OPLAH: variants seen among roughly 807,000 people sequenced by gnomAD.
The protein encoded by OPLAH is 5-oxoprolinase.
A neutral mutation model predicts 122.8 loss-of-function variants in OPLAH; 103 were observed. The observed-to-expected ratio is 0.84, with a 90% CI of 0.71 to 0.99. The LOEUF is 0.99. OPLAH is among the 50% of genes least tolerant of loss of function. The pLI is 0.00. For missense variants in OPLAH, 1,902 were observed against 1,836.5 expected, an observed-to-expected ratio of 1.04 and a Z score of -0.65; for synonymous variants, 875 against 796.0, an observed-to-expected ratio of 1.10 and a Z score of -1.67.
At position 144,057,659 on chromosome 8, in the gene OPLAH, G is replaced by C; in HGVS notation, c.1211C>G (p.Ala404Gly). ...CGGCCCAAAAATGCAGGGGAAGGAGGCAGGCAGCAGGCGACCCAGGACCAG... is the reference window on the plus strand; with the variant it reads ...CGGCCCAAAAATGCAGGGGAAGGAGCCAGGCAGCAGGCGACCCAGGACCAG... ...ANLVLGRLLP[A>G]SFPCIFGPGE... The change falls in exon 10 of 27, where the codon GCC becomes GGC. Residue 404 changes from alanine to glycine, a missense_variant. Ala to Gly is a moderately conservative substitution (Grantham distance 60). Around this residue, in one of 3 missense-constraint regions of OPLAH, gnomAD observed 1,726 missense variants for 1,642.1 expected, o/e 1.05. Transcript: ENST00000618853. 6.2e-7 allele frequency: 1 copy of C among 1,606,630 alleles called. No homozygotes were observed. The highest frequency in any genetic ancestry group is 8.5e-7 in the Non-Finnish European group (1 of 1,176,498).
In OPLAH at chr8:144,058,206, C is replaced by A. The variant is rs908991633; in HGVS notation, c.949+33G>T. On this transcript the variant is annotated intron_variant, in intron 7 of 26. Coordinates refer to ENST00000618853, the MANE Select transcript of OPLAH (RefSeq NM_017570.5). ...AAGACCCAGGGGCCCAGCAGCTGAG[C>A]CTCCCCGAGACCCCAGCCCTCGGCC... The A allele has an allele frequency of 5.0e-6, 8 of 1,604,322 alleles. No homozygotes were observed. In the Admixed American group the frequency reaches 1.3e-4, roughly 27 times the overall value.
Position 144,057,428 on chromosome 8 carries a change from G to T in OPLAH, c.1422+20C>A. 1.9e-6 allele frequency: 3 copies of T among 1,583,882 alleles called. No individual in the cohort carries two copies. The highest frequency in any genetic ancestry group is 2.6e-6 in the Non-Finnish European group (3 of 1,165,050). On this transcript the variant is annotated intron_variant, in intron 10 of 26. Transcript: ENST00000618853. ...GCAGGGCTGGGGGCAGGACAGGCGG[G>T]AGAGCAGAGGTGGACGTACCTGCGT...
At position 144,055,042 on chromosome 8, in the gene OPLAH, G is replaced by A. The variant is rs571638310; in HGVS notation, c.2396C>T (p.Thr799Met). The A allele has an allele frequency of 1.0e-4, 153 of 1,513,258 alleles. No individual in the cohort carries two copies. Among genetic ancestry groups the A allele is most frequent in the South Asian group, 6.0e-4 (46 of 76,918 alleles). 93.7% of individuals were successfully genotyped at this position (1,513,258 alleles called of 1,614,324 possible). Reference protein sequence around the residue: ...IPVHLGAMQETVQFQIQHLGA... With the variant: ...IPVHLGAMQEMVQFQIQHLGA... ...GGGAAGGGCCACCTGGAACTGCACC[G>A]TCTCCTGCATGGCACCCAGGTGCAC... The change falls in exon 17 of 27, where the codon ACG (threonine) becomes ATG (methionine). Residue 799 changes from threonine (T) to methionine (M), a missense_variant. Thr to Met is a moderately conservative substitution (Grantham distance 81). Around this residue, in one of 3 missense-constraint regions of OPLAH, gnomAD observed 1,726 missense variants for 1,642.1 expected, o/e 1.05. Transcript: ENST00000618853. This position sits in a 1 kb window ranked among gnomAD's most constrained non-coding sequence, Gnocchi z 6.5.
In OPLAH at chr8:144,057,513, C is replaced by T. The variant is rs782741175; in HGVS notation, c.1357G>A (p.Val453Met). 2 of 1,600,076 alleles carry T rather than the reference C, an allele frequency of 1.2e-6. No individual in the cohort carries two copies. Among genetic ancestry groups the T allele is most frequent in the Non-Finnish European group, 1.7e-6 (2 of 1,173,914 alleles). Residue 453 changes from valine (V) to methionine (M), a missense_variant, in exon 10 of 27, where the codon GTG becomes ATG. By Grantham distance (21) the Val-to-Met change is conservative. Transcript: ENST00000618853. The part of the protein sequence containing the change: ...CPASPLSLEE[V>M]AMGFVRVANE... ...GCCACGCGCACGAACCCCATGGCCA[C>T]CTCCTCCAGGCTCAGCGGGGAGGCC...
At position 144,058,653 on chromosome 8, in the gene OPLAH, C is replaced by A. The variant is rs782200056; in HGVS notation, c.626G>T (p.Arg209Leu). Residue 209 changes from arginine to leucine, a missense_variant, in exon 6 of 27, where the codon CGG becomes CTG. Coordinates refer to ENST00000618853, the MANE Select transcript of OPLAH (RefSeq NM_017570.5). ...TGACACGTGCGTGAAGCCCAGCTCCCGGGCCAGCACACCCACCTGCTGCTC... is the reference window on the plus strand; with the variant it reads ...TGACACGTGCGTGAAGCCCAGCTCCAGGGCCAGCACACCCACCTGCTGCTC... ...QHEQQVGVLA[R>L]ELGFTHVSLS... is the part of the protein sequence containing the mutation. 3 of 1,598,304 alleles carry A rather than the reference C, an allele frequency of 1.9e-6. No homozygotes were observed. The highest frequency in any genetic ancestry group is 1.1e-5 in the South Asian group (1 of 90,310).
In OPLAH at chr8:144,054,582, C is replaced by T. The variant is rs149290437; in HGVS notation, c.2665G>A (p.Gly889Arg). ...AVFLSFKLVQ[G>R]GVFQEEAVTE... Reference sequence around the variant, plus strand: ...TCACCCTCCTCCTGGAAGACGCCCCCCTGGACAAGTTTGAAGGACAGAAAG... The same window carrying T: ...TCACCCTCCTCCTGGAAGACGCCCCTCTGGACAAGTTTGAAGGACAGAAAG... Residue 889 changes from glycine to arginine, a missense_variant, in exon 19 of 27, where the codon GGG (glycine) becomes AGG (arginine). By Grantham distance (125) the Gly-to-Arg change is moderately radical. Transcript: ENST00000618853. 3.2e-4 allele frequency: 514 copies of T among 1,596,732 alleles called. 6 individuals carry two copies. The African/African-American group carries it at 6.0e-3, about 19-fold the overall frequency.
chr8:144,053,043 C>G lies in OPLAH; in HGVS notation c.2958G>C (p.Ser986=). 1.9e-6 allele frequency: 3 copies of G among 1,602,890 alleles called. No homozygotes were observed. The highest frequency in any genetic ancestry group is 2.6e-6 in the Non-Finnish European group (3 of 1,175,910). Residue 986 remains serine, a synonymous_variant, in exon 21 of 27, where the codon TCG becomes TCC. Transcript: ENST00000618853. ...GGGAACCGTCGTCCATGTGGTCTTC[C>G]GAGGACACCTCCAGGGGCAGGCCCC... ...QARGLPLEVS[S]EDHMDDGSPI... is the part of the protein sequence containing the mutation.
intron 17 of OPLAH, 49 bp from the exon 18 acceptor site, chr8:144,054,962 G>T: frequency 8.7e-7 from 1 of 1,144,754 alleles, no homozygotes; most frequent in Non-Finnish European, 1.2e-6. Flanking sequence ...GCAGGGGCCA[G>T]AGCGGGGTGG....
rs2129732095 is a variant in OPLAH, at chr8:144,051,358, A to G, written c.3835T>C (p.Tyr1279His). The G allele has an allele frequency of 3.1e-6, 5 of 1,610,696 alleles. No homozygotes were observed. In the East Asian group the frequency reaches 9.0e-5, roughly 29 times the overall value. The stretch of plus-strand genomic sequence containing the variant: ...GCCTCCTGGGCCCGGCGATACTCAT[A>G]GACGCTGCCGTGCTCGGGAAAGGCC... ...ALAFPEHGSV[Y>H]EYRRAQEAV Residue 1279 changes from tyrosine to histidine, a missense_variant, in exon 27 of 27, where the codon TAT becomes CAT. By Grantham distance (83) the Tyr-to-His change is moderately conservative (BLOSUM62 2). Transcript: ENST00000618853.
chr8:144,059,902 G>A lies in OPLAH; in HGVS notation c.131C>T (p.Ala44Val), dbSNP rs781892727. ...GCGGATGCCTTCGGTTGGCGCGTCC[G>A]CATAGTTGGCAGGGTCCTCTGAGAG... The part of the protein sequence containing the change: ...KLLSEDPANY[A>V]DAPTEGIRRI... Residue 44 changes from alanine to valine, a missense_variant, in exon 2 of 27, where the codon GCG (alanine) becomes GTG (valine). Ala to Val is a moderately conservative substitution (Grantham distance 64). Transcript: ENST00000618853. 9 of 1,612,666 alleles carry A rather than the reference G, an allele frequency of 5.6e-6. No individual in the cohort carries two copies. Among genetic ancestry groups the A allele is most frequent in the Non-Finnish European group, 6.8e-6 (8 of 1,179,836 alleles).
Position 144,054,975 on chromosome 8 carries a change from G to GT in OPLAH, c.2409+53_2409+54insA, listed in dbSNP as rs1425986503. The GT allele has an allele frequency of 7.5e-6, 8 of 1,063,944 alleles. No homozygotes were observed. In the African/African-American group the frequency reaches 1.2e-4, roughly 15 times the overall value. 65.9% of individuals were successfully genotyped at this position (1,063,944 alleles called of 1,614,324 possible). ...GAGCAGGGGCCAGAGCGGGGTGGGGGGGGGGTGGAGGGTGAGGGAGGGGGA... is the reference window on the plus strand; with the variant it reads ...GAGCAGGGGCCAGAGCGGGGTGGGGGTGGGGGTGGAGGGTGAGGGAGGGGGA... On this transcript the variant is annotated intron_variant, in intron 17 of 26. Transcript: ENST00000618853.
intron 17 of OPLAH, 43 bp from the exon 18 acceptor site, chr8:144,054,956 G>C (rs782407866): frequency 1.7e-6 from 2 of 1,183,534 alleles, no homozygotes; most frequent in Non-Finnish European, 2.2e-6. Context: ...AGGGGAGCAG[G>C]GGCCAGAGCG....
chr8:144,057,052 G>A lies in OPLAH; in HGVS notation c.1602C>T (p.Pro534=), dbSNP rs1554759405. 2 of 1,602,134 alleles carry A rather than the reference G, an allele frequency of 1.2e-6. No individual in the cohort carries two copies. The highest frequency in any genetic ancestry group is 4.5e-5 in the East Asian group (2 of 44,420). The change falls in exon 12 of 27, where the codon CCC becomes CCT. Residue 534 remains proline, a synonymous_variant. Coordinates refer to ENST00000618853, the MANE Select transcript of OPLAH (RefSeq NM_017570.5). ...TCTCAGGCGCGTAGAGCAGGGAGCA[G>A]GGTTCCTGTGCCTCATGCACCACGT... ...LADVVHEAQE[P]CSLLYAPETF...
In OPLAH at chr8:144,057,192, C is replaced by T. The variant is rs1835541203; in HGVS notation, c.1535+16G>A. 3.7e-6 allele frequency: 6 copies of T among 1,608,980 alleles called. No homozygotes were observed. The highest frequency in any genetic ancestry group is 4.2e-6 in the Non-Finnish European group (5 of 1,178,274). ...CGCAGATCACACCACCTCCGTGCACCCACACCCAGGCCCACCTGTGGATGT... is the reference window on the plus strand; with the variant it reads ...CGCAGATCACACCACCTCCGTGCACTCACACCCAGGCCCACCTGTGGATGT... On this transcript the variant is annotated intron_variant, in intron 11 of 26. Transcript: ENST00000618853.
At position 144,052,550 on chromosome 8, in the gene OPLAH, C is replaced by A; in HGVS notation, c.3202G>T (p.Asp1068Tyr). The A allele has an allele frequency of 6.3e-7, 1 of 1,596,334 alleles. No individual in the cohort carries two copies. Among genetic ancestry groups the A allele is most frequent in the South Asian group, 1.1e-5 (1 of 90,102 alleles). Residue 1068 changes from aspartate to tyrosine, a missense_variant, in exon 23 of 27, where the codon GAC becomes TAC. By Grantham distance (160) the Asp-to-Tyr change is radical. This residue lies in a region of OPLAH where 1,726 missense variants were observed against 1,642.1 expected (regional missense o/e 1.05). Coordinates refer to ENST00000618853, the MANE Select transcript of OPLAH (RefSeq NM_017570.5). ...RVVIPRGSILDPSPEAAVVGG... is the reference protein window; with the variant it reads ...RVVIPRGSILYPSPEAAVVGG... ...ACCACCGCCGCCTCGGGCGACGGGTCCAGGATGGAGCCTCGGGGAATGACC... is the reference window on the plus strand; with the variant it reads ...ACCACCGCCGCCTCGGGCGACGGGTACAGGATGGAGCCTCGGGGAATGACC...
chr8:144,063,478 G>A (rs540063506), upstream of OPLAH, among the ~76,000 whole-genome samples: 26 of 152,310 alleles, frequency 1.7e-4, 1 homozygote, highest in South Asian at 4.8e-3. The surrounding 1 kb of genome is among the most constrained non-coding windows in gnomAD (Gnocchi z 4.2). Context: ...CCACCTCAGG[G>A]CCTGGCACAG....
chr8:144,050,636 G>A, downstream of OPLAH: 1 of 985,506 alleles, frequency 1.0e-6, no homozygotes, highest in Non-Finnish European at 1.2e-6. Flanking sequence ...TGGGTATCGC[G>A]CTTGGGGGGA....
chr8:144,051,065 G>T, downstream of OPLAH: 1 of 1,319,060 alleles, frequency 7.6e-7, no homozygotes, highest in East Asian at 3.3e-5. Flanking sequence ...TTCCCGGGTG[G>T]CTGGGCCTGC....
rs1554758233 is a variant in OPLAH at position 144,053,407 on chromosome 8, G to A, written c.2687-14C>T. 6.3e-7 allele frequency: 1 copy of A among 1,596,744 alleles called. No individual in the cohort carries two copies. The highest frequency in any genetic ancestry group is 8.5e-7 in the Non-Finnish European group (1 of 1,171,228). ...CCTCCGTCACCGCTGGATGGACAGT[G>A]TCATCACTGAGCCCCTGGCCAACCC... On this transcript the variant is annotated splice_polypyrimidine_tract_variant and intron_variant, in intron 19 of 26. Transcript: ENST00000618853.
Sources: gnomAD v4.1 joint callset for allele counts (sites outside exome capture counted in the v4.1 genomes callset) on GRCh38, gnomAD v4.1.1 for gene constraint, gnomAD v4.1.1 regional missense constraint, Gnocchi (gnomAD v3.1) non-coding constraint, MANE v1.5 for transcripts, NCBI Gene and HGNC (gene_info 2026-07-23, HGNC 2026-07-21) for gene names.